Variants in RAPGEF2 observed in about 807,000 individuals in gnomAD.
RAPGEF2 encodes the protein PDZ domain containing guanine nucleotide exchange factor (GEF) 1.
RAPGEF2 carries 54 observed loss-of-function variants against 186.7 expected under a neutral mutation model. The ratio of observed to expected loss-of-function variants is 0.29; its 90% CI spans 0.23 to 0.36. The LOEUF (loss-of-function observed/expected upper bound fraction) is 0.36, where lower values mean the gene tolerates loss of function less well. Among genes scored for constraint, RAPGEF2 ranks in the 10% least tolerant of loss-of-function variants. The pLI is 1.00. For synonymous variants in RAPGEF2, 712 were observed against 705.9 expected, an observed-to-expected ratio of 1.01 and a Z score of -0.14; for missense variants, 1,532 against 2,045.0, an observed-to-expected ratio of 0.75 and a Z score of 4.84.
chr4:159,160,888 C>T (rs1744640440), intron 1 of RAPGEF2, among the ~76,000 whole-genome samples: 1 of 152,012 alleles, frequency 6.6e-6, no homozygotes, highest in African/African-American at 2.4e-5. Flanking sequence ...GGTAAAATTT[C>T]TTCTATAGCT....
chr4:159,135,655 A>C (rs996417046), intron 1 of RAPGEF2, among the ~76,000 whole-genome samples: 3 of 152,046 alleles, frequency 2.0e-5, no homozygotes. Flanking sequence ...GCTAGAGTGC[A>C]ATGGCATGAT....
At chr4:159,315,796 A>G (rs1215605929) in intron 9 of RAPGEF2, among the ~76,000 whole-genome samples, 1 of 152,196 alleles carries the variant, frequency 6.6e-6, no homozygotes, top group African/African-American at 2.4e-5. Context: ...TACTTTCACT[A>G]ATTTACTGCT....
chr4:159,337,833 T>C (rs1004769944), intron 17 of RAPGEF2, among the ~76,000 whole-genome samples: 8 of 126,126 alleles, frequency 6.3e-5, no homozygotes, highest in African/African-American at 2.5e-4. Flanking sequence ...GAGCTTGCAG[T>C]GAGCCGAGAT....
chr4:159,216,258 C>T (rs1337990344), intron 4 of RAPGEF2, among the ~76,000 whole-genome samples: 2 of 152,070 alleles, frequency 1.3e-5, no homozygotes, highest in African/African-American at 2.4e-5. Flanking sequence ...GAGGCGGTTG[C>T]ATAGGAAATA....
chr4:159,191,057 T>G (rs893348043), intron 2 of RAPGEF2, among the ~76,000 whole-genome samples: 8 of 152,226 alleles, frequency 5.3e-5, no homozygotes, highest in Middle Eastern at 3.4e-3. Flanking sequence ...GGGGCATTGC[T>G]TTGGAAGTCA....
chr4:159,160,765 A>C (rs1322991767), intron 1 of RAPGEF2, among the ~76,000 whole-genome samples: 1 of 152,190 alleles, frequency 6.6e-6, no homozygotes, highest in Admixed American at 6.5e-5. Flanking sequence ...TGCATGCTCT[A>C]TTCACCTATT....
At chr4:159,231,345 G>C (rs1752619813) in intron 4 of RAPGEF2, among the ~76,000 whole-genome samples, 2 of 151,886 alleles carry the variant, frequency 1.3e-5, no homozygotes, top group Non-Finnish European at 2.9e-5. Context: ...ATGCATGACT[G>C]TATGTTAATA....
intron 8 of RAPGEF2, among the ~76,000 whole-genome samples, chr4:159,306,037 A>T (rs1579861564): frequency 6.6e-6 from 1 of 152,100 alleles, no homozygotes; most frequent in East Asian, 1.9e-4. Flanking sequence ...TAATACCAGT[A>T]TCATGCTGTT....
At chr4:159,190,771 C>G (rs1335185483) in intron 2 of RAPGEF2, among the ~76,000 whole-genome samples, 1 of 152,244 alleles carries the variant, frequency 6.6e-6, no homozygotes, top group African/African-American at 2.4e-5. Context: ...CTCACTAACA[C>G]CAGAACAGGA....
chr4:159,113,607 T>C (rs1738732491), intron 1 of RAPGEF2, among the ~76,000 whole-genome samples: 1 of 151,870 alleles, frequency 6.6e-6, no homozygotes, highest in African/African-American at 2.4e-5. Flanking sequence ...CCAGGAGTGG[T>C]GGCGCATGCT....
intron 11 of RAPGEF2, chr4:159,329,024 T>C (rs1766311599): frequency 6.6e-6 from 1 of 152,178 alleles, no homozygotes; most frequent in Non-Finnish European, 1.5e-5. Context: ...TTTTTCATCT[T>C]CTTCACATTA....
chr4:159,281,872 A>G (rs995579095), intron 7 of RAPGEF2, among the ~76,000 whole-genome samples: 4 of 152,134 alleles, frequency 2.6e-5, no homozygotes, highest in African/African-American at 9.7e-5. Flanking sequence ...ACTGGAGTTC[A>G]TGTCATCAGA....
At chr4:159,222,399 G>C (rs866448166) in intron 4 of RAPGEF2, among the ~76,000 whole-genome samples, 1 of 152,224 alleles carries the variant, frequency 6.6e-6, no homozygotes, top group South Asian at 2.1e-4. Flanking sequence ...CACGTGTTCA[G>C]TTAGGGCATT....
chr4:159,235,298 T>G (rs1190131310), intron 4 of RAPGEF2, among the ~76,000 whole-genome samples: 1 of 152,202 alleles, frequency 6.6e-6, no homozygotes. Context: ...ACTTGTTGTG[T>G]AAGCATCTTG....
chr4:159,277,298 C>T (rs1417259497), intron 7 of RAPGEF2, among the ~76,000 whole-genome samples: 1 of 152,222 alleles, frequency 6.6e-6, no homozygotes, highest in South Asian at 2.1e-4. Context: ...GTATATGTGC[C>T]ACATTTTCTT....
intron 1 of RAPGEF2, among the ~76,000 whole-genome samples, chr4:159,127,918 TTAG>T (rs1452010408): frequency 1.3e-5 from 2 of 152,232 alleles, no homozygotes; most frequent in East Asian, 3.8e-4. Context: ...CAAATTTTAC[TTAG>T]TCACCATGAT....
chr4:159,265,969 T>C (rs1383785122), intron 7 of RAPGEF2, among the ~76,000 whole-genome samples: 1 of 152,138 alleles, frequency 6.6e-6, no homozygotes, highest in Non-Finnish European at 1.5e-5. Flanking sequence ...AAGTATTCCA[T>C]GGGATGAGGA....
chr4:159,223,403 C>T (rs1047944464), intron 4 of RAPGEF2, among the ~76,000 whole-genome samples: 6 of 152,102 alleles, frequency 3.9e-5, no homozygotes, highest in African/African-American at 1.4e-4. Flanking sequence ...TCATGTTTTA[C>T]AACTAGAAAT....
chr4:159,186,996 T>C (rs1316121813), intron 2 of RAPGEF2, among the ~76,000 whole-genome samples: 2 of 152,176 alleles, frequency 1.3e-5, no homozygotes, highest in Admixed American at 6.5e-5. Flanking sequence ...GTTAATGATA[T>C]TACCCTATAG....
Sources: gnomAD v4.1 joint callset for allele counts (sites outside exome capture counted in the v4.1 genomes callset) on GRCh38, gnomAD v4.1.1 for gene constraint, MANE v1.5 for transcripts, NCBI Gene and HGNC (gene_info 2026-07-23, HGNC 2026-07-21) for gene names.